Variants in HEG1 observed in about 807,000 individuals in gnomAD.
The protein encoded by HEG1 is heart development protein with EGF like domains 1.
Under a neutral mutation model 125.6 loss-of-function variants are expected in HEG1, and 56 were observed. The ratio of observed to expected loss-of-function variants is 0.45; its 90% CI spans 0.36 to 0.56. The LOEUF is 0.56. HEG1 is among the 20% of genes least tolerant of loss of function. The pLI is 0.00. For missense variants in HEG1, 1,523 were observed against 1,670.0 expected (o/e 0.91, Z 1.53); for synonymous variants, 644 against 668.5 (o/e 0.96, Z 0.57).
At chr3:125,004,928 C>T (rs1413501088) in intron 9 of HEG1, among the ~76,000 whole-genome samples, 4 of 152,054 alleles carry the variant, frequency 2.6e-5, no homozygotes, top group African/African-American at 4.8e-5. Flanking sequence ...CAGATGGGAC[C>T]GTAAGATTTT....
chr3:125,010,328 G>T, intron 7 of HEG1, 111 bp downstream of exon 7: 1 of 628,972 alleles, frequency 1.6e-6, no homozygotes, highest in South Asian at 2.1e-5. Context: ...AAGTAAGCAG[G>T]GTATTAACTA....
chr3:124,974,664 C>A (rs536050327), intron 15 of HEG1, among the ~76,000 whole-genome samples: 1 of 152,218 alleles, frequency 6.6e-6, no homozygotes, highest in Non-Finnish European at 1.5e-5. Context: ...GTGTTCTTCA[C>A]CTATCTAACC....
chr3:124,994,718 C>T (rs1936890451), intron 12 of HEG1, among the ~76,000 whole-genome samples: 1 of 152,182 alleles, frequency 6.6e-6, no homozygotes, highest in Non-Finnish European at 1.5e-5. Flanking sequence ...ATTGGCCAGG[C>T]TGGCCTCGAA....
chr3:124,980,619 C>A (rs920590728), intron 14 of HEG1, among the ~76,000 whole-genome samples: 1 of 151,994 alleles, frequency 6.6e-6, no homozygotes, highest in African/African-American at 2.4e-5. Context: ...CAGGTTCAAG[C>A]GATTCTCATG....
chr3:125,030,886 G>A (rs1029663817), intron 1 of HEG1, among the ~76,000 whole-genome samples: 1 of 152,194 alleles, frequency 6.6e-6, no homozygotes, highest in Non-Finnish European at 1.5e-5. Flanking sequence ...AAATGGTGGA[G>A]AGGAGAATGG....
At chr3:125,029,660 C>T (rs1261342742) in intron 1 of HEG1, among the ~76,000 whole-genome samples, 172 bp from the exon 2 acceptor site, 2 of 152,148 alleles carry the variant, frequency 1.3e-5, no homozygotes, top group Non-Finnish European at 2.9e-5. Context: ...GAGGCTGAGG[C>T]GGGTGGATCA....
At chr3:125,055,384 C>T (rs1937909495) in intron 1 of HEG1, among the ~76,000 whole-genome samples, 191 bp downstream of exon 1, 1 of 152,146 alleles carries the variant, frequency 6.6e-6, no homozygotes, top group Admixed American at 6.5e-5. Context: ...ATAGTCACAC[C>T]CCTCAGTCCA....
At chr3:125,011,638 G>A (rs1327156994) in intron 6 of HEG1, among the ~76,000 whole-genome samples, 4 of 152,156 alleles carry the variant, frequency 2.6e-5, no homozygotes, top group African/African-American at 9.7e-5. Context: ...GTGGGGCTTG[G>A]CATGGGGGTG....
At chr3:125,014,076 T>C (rs1346338128) in intron 5 of HEG1, 86 bp from the exon 6 acceptor site, 30 of 1,186,478 alleles carry the variant, frequency 2.5e-5, no homozygotes, top group Non-Finnish European at 6.9e-6. Flanking sequence ...TTCAGTGTCA[T>C]GAAACTCAAT....
At chr3:125,036,302 T>C (rs1291051479) in intron 1 of HEG1, among the ~76,000 whole-genome samples, 1 of 148,886 alleles carries the variant, frequency 6.7e-6, no homozygotes, top group Non-Finnish European at 1.5e-5. Context: ...GAGAAATCAG[T>C]GAATACTGTC....
chr3:125,002,407 T>C, intron 9 of HEG1, 92 bp from the exon 10 acceptor site: 1 of 1,147,882 alleles, frequency 8.7e-7, no homozygotes, highest in Non-Finnish European at 1.3e-6. Flanking sequence ...AAAACAGGCA[T>C]TTTCCAGCCA....
chr3:125,006,903 G>C (rs1449339496), intron 8 of HEG1, among the ~76,000 whole-genome samples: 1 of 152,186 alleles, frequency 6.6e-6, no homozygotes, highest in Non-Finnish European at 1.5e-5. Flanking sequence ...TCTCTGTATA[G>C]AAATTCACAT....
chr3:125,009,726 C>G lies in HEG1; in HGVS notation c.3172G>C (p.Glu1058Gln). The G allele has an allele frequency of 5.6e-6, 9 of 1,612,690 alleles. No individual in the cohort carries two copies. Among genetic ancestry groups the G allele is most frequent in the Non-Finnish European group, 7.6e-6 (9 of 1,179,196 alleles). ...TTACCCAAATTGCATATCCCTTTTT[C>G]CAACTGGTACCCAACCGGGCATTTG... The part of the protein sequence containing the change: ...ICKCPVGYQL[E>Q]KGICNLVRTF... Residue 1058 changes from glutamate (E) to glutamine (Q), a missense_variant, in exon 8 of 17, where the codon GAA becomes CAA. Transcript: ENST00000311127.
chr3:125,012,188 C>T, intron 6 of HEG1, among the ~76,000 whole-genome samples: 1 of 152,180 alleles, frequency 6.6e-6, no homozygotes, highest in East Asian at 1.9e-4. Flanking sequence ...GGATCTGATC[C>T]AGACGCAGAT....
chr3:125,055,664 G>A lies in HEG1; in HGVS notation c.227C>T (p.Ala76Val), dbSNP rs1222463571. Residue 76 changes from alanine (A) to valine (V), a missense_variant, in exon 1 of 17, where the codon GCG becomes GTG. Physicochemically the swap from Ala to Val is moderately conservative, Grantham distance 64. Coordinates refer to ENST00000311127, the MANE Select transcript of HEG1 (RefSeq NM_020733.2). ...GGCCCTGTAGCTGGGGCCGGGGGTC[G>A]CGGGCCCGCGGCGCTCCCGGGGCGG... ...PTPPRERRGP[A>V]TPGPSYRAPE... The A allele has an allele frequency of 2.6e-6, 3 of 1,165,774 alleles. No homozygotes were observed. The highest frequency in any genetic ancestry group is 4.7e-5 in the Admixed American group (1 of 21,352). 72.2% of individuals were successfully genotyped at this position (1,165,774 alleles called of 1,614,324 possible).
chr3:125,038,308 G>A (rs567637397), intron 1 of HEG1, among the ~76,000 whole-genome samples: 285 of 152,330 alleles, frequency 1.9e-3, no homozygotes, highest in African/African-American at 6.5e-3. Context: ...AGCTTAGGAC[G>A]CACAGCGTGA....
intron 2 of HEG1, 24 bp downstream of exon 2, chr3:125,029,171 T>G: frequency 6.2e-7 from 1 of 1,601,276 alleles, no homozygotes. Context: ...ATGCGTGAAA[T>G]GCGCATCATC....
chr3:125,017,593 G>GCAACAT (rs1433681502), intron 5 of HEG1, among the ~76,000 whole-genome samples: 1 of 152,158 alleles, frequency 6.6e-6, no homozygotes, highest in Non-Finnish European at 1.5e-5. Context: ...TGAAGATGTA[G>GCAACAT]CAACATCAGA....
At position 125,013,859 on chromosome 3, in the gene HEG1, T is replaced by C. The variant is rs1406855554; in HGVS notation, c.1720A>G (p.Asn574Asp). Residue 574 changes from asparagine to aspartate, a missense_variant, in exon 6 of 17, where the codon AAC (asparagine) becomes GAC (aspartate). Asn to Asp is a conservative substitution (Grantham distance 23). Coordinates refer to ENST00000311127, the MANE Select transcript of HEG1 (RefSeq NM_020733.2). ...TCCACAATGTCTGAGGATGAACTGT[T>C]ATCTGTAATGGACAGTAACGCCCGT... ...GERALLSITD[N>D]SSSSDIVESS... 2 of 1,613,924 alleles carry C rather than the reference T, an allele frequency of 1.2e-6. No homozygotes were observed. The highest frequency in any genetic ancestry group is 2.2e-5 in the South Asian group (2 of 91,072).
Sources: allele counts gnomAD v4.1 joint callset (sites outside exome capture counted in the v4.1 genomes callset), GRCh38; gene constraint gnomAD v4.1.1; transcripts MANE v1.5; gene names NCBI Gene and HGNC (gene_info 2026-07-23, HGNC 2026-07-21).